Variants in TENM4 observed in about 807,000 individuals in gnomAD.
TENM4 encodes the protein teneurin transmembrane protein 4.
TENM4 carries 82 observed loss-of-function variants against 243.3 expected under a neutral mutation model. That is an observed-to-expected ratio of 0.34 (90% CI 0.28 to 0.40). TENM4 has a LOEUF of 0.40. TENM4 is among the 10% of genes least tolerant of loss of function. The pLI is 1.00. For synonymous variants in TENM4, 1,412 were observed against 1,456.3 expected (o/e 0.97, Z 0.69); for missense variants, 3,138 against 3,673.3 (o/e 0.85, Z 3.77).
chr11:79,138,899 A>G (rs1186302155), intron 4 of TENM4, among the ~76,000 whole-genome samples: 1 of 114,672 alleles, frequency 8.7e-6, no homozygotes, highest in Admixed American at 1.1e-4. Flanking sequence ...AATATATATT[A>G]TATTTCTATA....
chr11:78,928,773 C>T (rs771691752), intron 6 of TENM4, among the ~76,000 whole-genome samples: 10 of 152,172 alleles, frequency 6.6e-5, no homozygotes, highest in Non-Finnish European at 1.0e-4. Context: ...TTGGGTGGAG[C>T]AGGCTTTAAA....
At chr11:79,410,151 G>C (rs1410254937) in intron 1 of TENM4, among the ~76,000 whole-genome samples, 1 of 152,158 alleles carries the variant, frequency 6.6e-6, no homozygotes, top group Non-Finnish European at 1.5e-5. Context: ...CTGCGGGTTG[G>C]ACAAGCTTGC....
intron 1 of TENM4, among the ~76,000 whole-genome samples, chr11:79,310,640 C>A (rs1046579344): frequency 2.2e-4 from 34 of 152,188 alleles, no homozygotes; most frequent in African/African-American, 7.5e-4. Flanking sequence ...CTGTAGTTAA[C>A]AACGGGCAGC....
At chr11:78,999,239 C>G (rs552556633) in intron 6 of TENM4, among the ~76,000 whole-genome samples, 4 of 152,130 alleles carry the variant, frequency 2.6e-5, no homozygotes, top group Admixed American at 6.5e-5. Flanking sequence ...ATGGGCTGGG[C>G]GGGGTGGCTC....
At chr11:79,177,069 T>C (rs1477828122) in intron 3 of TENM4, among the ~76,000 whole-genome samples, 1 of 152,144 alleles carries the variant, frequency 6.6e-6, no homozygotes, top group African/African-American at 2.4e-5. Context: ...GTGCCACTTA[T>C]CTGTTCTAAG....
intron 2 of TENM4, among the ~76,000 whole-genome samples, chr11:79,255,645 C>T (rs574301566): frequency 1.3e-5 from 2 of 152,126 alleles, no homozygotes; most frequent in African/African-American, 4.8e-5. Context: ...GTTAGGGAAG[C>T]CAATGAGTTT....
At chr11:78,923,693 C>CTGTTT (rs1856494065) in intron 6 of TENM4, among the ~76,000 whole-genome samples, 1 of 53,654 alleles carries the variant, frequency 1.9e-5, no homozygotes, top group Non-Finnish European at 3.2e-5. Context: ...ATGCACCTGG[C>CTGTTT]TTTTTTTTTT....
intron 2 of TENM4, among the ~76,000 whole-genome samples, chr11:79,219,727 C>T (rs565230068): frequency 6.6e-6 from 1 of 152,314 alleles, no homozygotes; most frequent in East Asian, 1.9e-4. Flanking sequence ...CTGACACAAC[C>T]GTCTTTCTTC....
At chr11:78,755,428 C>CA (rs1438663099) in intron 19 of TENM4, among the ~76,000 whole-genome samples, 1 of 152,130 alleles carries the variant, frequency 6.6e-6, no homozygotes, top group African/African-American at 2.4e-5. Flanking sequence ...CTGAGCCTCC[C>CA]AGGGTGTTGG....
At chr11:78,816,123 G>A (rs142793272) in intron 12 of TENM4, among the ~76,000 whole-genome samples, 11 of 152,314 alleles carry the variant, frequency 7.2e-5, no homozygotes, top group African/African-American at 2.6e-4. Flanking sequence ...CTGAAGCCTT[G>A]AACATTCTCA....
intron 1 of TENM4, among the ~76,000 whole-genome samples, chr11:79,340,857 C>T (rs1211660956): frequency 6.6e-6 from 1 of 152,118 alleles, no homozygotes; most frequent in Non-Finnish European, 1.5e-5. Flanking sequence ...AAAAAAAATA[C>T]TTATGTCCTA....
At chr11:79,212,852 G>T (rs1215550914) in intron 3 of TENM4, among the ~76,000 whole-genome samples, 3 of 152,162 alleles carry the variant, frequency 2.0e-5, no homozygotes, top group Non-Finnish European at 4.4e-5. Context: ...GCAGGAGGAG[G>T]CTAAGTTGGC....
At chr11:79,218,301 A>G (rs1340453084) in intron 2 of TENM4, among the ~76,000 whole-genome samples, 3 of 123,252 alleles carry the variant, frequency 2.4e-5, no homozygotes, top group Non-Finnish European at 3.2e-5. Flanking sequence ...TGCCTTGGCT[A>G]CAAAAATGGG....
Position 78,658,638 on chromosome 11 carries a change from C to T in TENM4, c.7730G>A (p.Gly2577Asp). ...GKGVKFALKD[G>D]RVTTDIISVA... ...ACTGATGATGTCTGTGGTCACTCGG[C>T]CATCCTTCAAGGCAAACTTGACCCC... Residue 2577 changes from glycine (G) to aspartate (D), a missense_variant, in exon 34 of 34, where the codon GGC becomes GAC. Physicochemically the swap from Gly to Asp is moderately conservative, Grantham distance 94. This residue lies in a region of TENM4 where 2,467 missense variants were observed against 3,059.1 expected (regional missense o/e 0.81). Coordinates refer to ENST00000278550, the MANE Select transcript of TENM4 (RefSeq NM_001098816.3). 1 of 1,614,044 alleles carries T rather than the reference C, an allele frequency of 6.2e-7. No homozygotes were observed. Among genetic ancestry groups the T allele is most frequent in the Non-Finnish European group, 8.5e-7 (1 of 1,179,906 alleles).
chr11:78,663,053 G>A (rs1858070198), intron 32 of TENM4, among the ~76,000 whole-genome samples: 1 of 152,206 alleles, frequency 6.6e-6, no homozygotes, highest in South Asian at 2.1e-4. Context: ...GAGCCAGAAA[G>A]GATGACTGTG....
intron 18 of TENM4, among the ~76,000 whole-genome samples, chr11:78,757,507 T>C (rs1424508333): frequency 2.6e-5 from 4 of 152,230 alleles, no homozygotes. Context: ...TGACTTCATC[T>C]GGTGTGCACT....
chr11:79,360,188 G>A (rs1484298240), intron 1 of TENM4, among the ~76,000 whole-genome samples: 6 of 152,072 alleles, frequency 3.9e-5, no homozygotes, highest in Admixed American at 1.3e-4. Flanking sequence ...TTAATTCCAT[G>A]AGCAAGAGCT....
intron 1 of TENM4, among the ~76,000 whole-genome samples, chr11:79,339,035 AAC>A (rs1349279996): frequency 3.3e-5 from 5 of 152,312 alleles, no homozygotes; most frequent in South Asian, 2.1e-4. Context: ...TCAAACCTCA[AAC>A]ACAACACAGT....
chr11:79,076,544 C>A (rs1173091995), intron 4 of TENM4, among the ~76,000 whole-genome samples: 1 of 152,150 alleles, frequency 6.6e-6, no homozygotes, highest in East Asian at 1.9e-4. Context: ...AAAAACCGGC[C>A]CCCATGATTC....
Sources: allele counts gnomAD v4.1 joint callset (sites outside exome capture counted in the v4.1 genomes callset), GRCh38; gene constraint gnomAD v4.1.1; regional missense constraint gnomAD v4.1.1; transcripts MANE v1.5; gene names NCBI Gene and HGNC (gene_info 2026-07-23, HGNC 2026-07-21).